The following EFEMP1 variants were observed in gnomAD, a reference collection of about 807,000 sequenced individuals.
The protein encoded by EFEMP1 is EGF-containing fibulin-like extracellular matrix protein 1.
EFEMP1 carries 18 observed loss-of-function variants against 65.7 expected under a neutral mutation model. That is an observed-to-expected ratio of 0.27 (90% confidence interval 0.19 to 0.41). EFEMP1 has a LOEUF of 0.41. Ranked by LOEUF, EFEMP1 falls within the 10% of genes least tolerant of loss-of-function variation. The pLI is 1.00. For missense variants in EFEMP1, 469 were observed against 624.8 expected, an observed-to-expected ratio of 0.75 and a Z score of 2.66; for synonymous variants, 237 against 219.7, an observed-to-expected ratio of 1.08 and a Z score of -0.70.
Position 55,910,525 on chromosome 2 carries a change from C to A in EFEMP1, c.517+7140G>T, listed in dbSNP as rs10176022. Among the ~76,000 whole-genome samples, 1,281 of 152,262 alleles carry A rather than the reference C, an allele frequency of 8.4e-3. 24 individuals are homozygous for A. The highest frequency in any genetic ancestry group is 0.03 in the African/African-American group (1,251 of 41,548). Reference sequence around the variant, plus strand: ...GCAAAGGCAATCCTTACAAAAGGGGCAACTTGTTGATTTCAGGGAATATAG... The same window carrying A: ...GCAAAGGCAATCCTTACAAAAGGGGAAACTTGTTGATTTCAGGGAATATAG... On this transcript the variant is annotated intron_variant, in intron 5 of 11. Coordinates refer to ENST00000355426, the MANE Select transcript of EFEMP1 (RefSeq NM_001039348.3).
rs1553348960 is a variant in EFEMP1 at position 55,870,851 on chromosome 2, A to G, written c.1189T>C (p.Tyr397His). Residue 397 changes from tyrosine (Y) to histidine (H), a missense_variant, in exon 11 of 12, where the codon TAC becomes CAC. Tyr to His is a moderately conservative substitution (Grantham distance 83). This residue lies in a region of EFEMP1 where 399 missense variants were observed against 528.2 expected (regional missense o/e 0.76). Coordinates refer to ENST00000355426, the MANE Select transcript of EFEMP1 (RefSeq NM_001039348.3). This position sits in a 1 kb window ranked among gnomAD's most constrained non-coding sequence, Gnocchi z 5.8. Reference sequence around the variant, plus strand: ...GACCTATCAGATCGGATGCTCATGTATTTGTAGACTATTGACTGGGGCAGT... The same window carrying G: ...GACCTATCAGATCGGATGCTCATGTGTTTGTAGACTATTGACTGGGGCAGT... Reference protein sequence around the residue: ...RELPQSIVYKYMSIRSDRSVP... With the variant: ...RELPQSIVYKHMSIRSDRSVP... The G allele has an allele frequency of 6.2e-7, 1 of 1,613,652 alleles. No homozygotes were observed.
At chr2:55,874,863 C>T in intron 9 of EFEMP1, 83 bp downstream of exon 9, 1 of 1,434,684 alleles carries the variant, frequency 7.0e-7, no homozygotes, top group Admixed American at 1.8e-5. Context: ...AAATGAAAGT[C>T]TATAGGAGAA....
intron 5 of EFEMP1, among the ~76,000 whole-genome samples, chr2:55,909,875 A>G (rs147652490): frequency 2.1e-3 from 316 of 152,290 alleles, no homozygotes; most frequent in African/African-American, 6.1e-3. Flanking sequence ...CCTAAAGACT[A>G]TGAGCATTCC....
chr2:55,916,747 A>AT (rs1393516869), intron 5 of EFEMP1, among the ~76,000 whole-genome samples: 1 of 152,156 alleles, frequency 6.6e-6, no homozygotes, highest in Non-Finnish European at 1.5e-5. Flanking sequence ...CTATGGCCCC[A>AT]TTTCAGTAAC....
chr2:55,915,164 A>C (rs1558488012), intron 5 of EFEMP1, among the ~76,000 whole-genome samples: 1 of 152,212 alleles, frequency 6.6e-6, no homozygotes, highest in Non-Finnish European at 1.5e-5. Context: ...ATCCAACTTA[A>C]GCCCTAAGCC....
chr2:55,906,853 A>T (rs1255221466), intron 5 of EFEMP1, among the ~76,000 whole-genome samples: 1 of 152,218 alleles, frequency 6.6e-6, no homozygotes. Context: ...CCAAAAATTA[A>T]GTTGTTCAAT....
intron 5 of EFEMP1, among the ~76,000 whole-genome samples, chr2:55,907,793 A>T (rs1484892423): frequency 1.3e-5 from 2 of 152,192 alleles, no homozygotes; most frequent in Non-Finnish European, 2.9e-5. Flanking sequence ...AGGGAGTAGG[A>T]TTGGATTCCT....
rs1346784 is a variant in EFEMP1, at chr2:55,879,099, T to C, written c.641-1234A>G. Among the ~76,000 whole-genome samples, 40 of 152,312 alleles carry C rather than the reference T, an allele frequency of 2.6e-4. 1 individual carries two copies. Among genetic ancestry groups the C allele is most frequent in the African/African-American group, 9.6e-4 (40 of 41,572 alleles). ...TCCCTTACCTTGCTTTAGACTTCTT[T>C]GTAGTCCTTAACAGTACTCGACATT... On this transcript the variant is annotated intron_variant, in intron 6 of 11. Coordinates refer to ENST00000355426, the MANE Select transcript of EFEMP1 (RefSeq NM_001039348.3).
In EFEMP1 at chr2:55,871,210, A is replaced by G; in HGVS notation, c.1001-87T>C. The G allele has an allele frequency of 1.9e-6, 3 of 1,588,164 alleles. No homozygotes were observed. Among genetic ancestry groups the G allele is most frequent in the South Asian group, 1.1e-5 (1 of 90,290 alleles). Reference sequence around the variant, plus strand: ...ATATAACTGGCAGATTCTGTTTGCAAGGAAGGAGGTGTGAGAGCATCTGGA... The same window carrying G: ...ATATAACTGGCAGATTCTGTTTGCAGGGAAGGAGGTGTGAGAGCATCTGGA... On this transcript the variant is annotated intron_variant, in intron 9 of 11. Coordinates refer to ENST00000355426, the MANE Select transcript of EFEMP1 (RefSeq NM_001039348.3). The surrounding 1 kb of genome is among the most constrained non-coding windows in gnomAD (Gnocchi z 4.2).
At chr2:55,888,854 T>C (rs889839268) in intron 5 of EFEMP1, among the ~76,000 whole-genome samples, 5 of 152,186 alleles carry the variant, frequency 3.3e-5, no homozygotes, top group African/African-American at 9.7e-5. Context: ...TGGATGGCCT[T>C]GGGAGGAATT....
intron 11 of EFEMP1, among the ~76,000 whole-genome samples, chr2:55,868,288 G>A (rs1668664819): frequency 6.6e-6 from 1 of 152,106 alleles, no homozygotes; most frequent in Non-Finnish European, 1.5e-5. Context: ...CTATGTGCCA[G>A]GTACCATTCT....
intron 8 of EFEMP1, 77 bp from the exon 9 acceptor site, chr2:55,875,142 A>G: frequency 3.8e-6 from 2 of 524,768 alleles, no homozygotes; most frequent in Non-Finnish European, 5.4e-6. Context: ...ATATATATAT[A>G]AATTATATAT....
At chr2:55,882,252 A>G (rs922590094) in intron 5 of EFEMP1, among the ~76,000 whole-genome samples, 1 of 152,198 alleles carries the variant, frequency 6.6e-6, no homozygotes, top group East Asian at 1.9e-4. Flanking sequence ...ACTGGGTGTA[A>G]TCAACCTTTA....
At chr2:55,884,270 C>A (rs1215651523) in intron 5 of EFEMP1, among the ~76,000 whole-genome samples, 2 of 152,126 alleles carry the variant, frequency 1.3e-5, no homozygotes, top group Admixed American at 6.5e-5. Context: ...GAAAATTATA[C>A]TTTGAGATCC....
intron 5 of EFEMP1, among the ~76,000 whole-genome samples, chr2:55,900,855 C>A (rs1670006007): frequency 6.6e-6 from 1 of 152,154 alleles, no homozygotes; most frequent in Non-Finnish European, 1.5e-5. Context: ...TGCTATCCTA[C>A]TTCATTAGTG....
At chr2:55,876,496 T>C in intron 8 of EFEMP1, 127 bp downstream of exon 8, 1 of 1,380,116 alleles carries the variant, frequency 7.2e-7, no homozygotes, top group South Asian at 1.3e-5. Context: ...TGAACTACAT[T>C]AACTGGATTT....
At chr2:55,892,230 A>G (rs1382572624) in intron 5 of EFEMP1, among the ~76,000 whole-genome samples, 1 of 152,168 alleles carries the variant, frequency 6.6e-6, no homozygotes, top group Non-Finnish European at 1.5e-5. Flanking sequence ...TGGGGACAGA[A>G]ATAAGTTTCT....
intron 5 of EFEMP1, among the ~76,000 whole-genome samples, chr2:55,890,740 A>G (rs1340733831): frequency 1.3e-5 from 2 of 152,226 alleles, no homozygotes; most frequent in South Asian, 2.1e-4. Flanking sequence ...GAAATCTCAA[A>G]CTGAATGAAA....
chr2:55,921,288 G>T lies in EFEMP1; in HGVS notation c.81+1072C>A, dbSNP rs1169215391. On this transcript the variant is annotated intron_variant, in intron 3 of 11. Coordinates refer to ENST00000355426, the MANE Select transcript of EFEMP1 (RefSeq NM_001039348.3). This position sits in a 1 kb window ranked among gnomAD's most constrained non-coding sequence, Gnocchi z 4.1. ...GAAGTTAACAAAATATTTGTATTAA[G>T]CTATTTTATTTATAGTGGATCTGAA... 6.6e-6 allele frequency among the ~76,000 whole-genome samples: 1 copy of T among 152,162 alleles called. No homozygotes were observed. Among genetic ancestry groups the T allele is most frequent in the East Asian group, 1.9e-4 (1 of 5,200 alleles).
Sources: allele counts gnomAD v4.1 joint callset (sites outside exome capture counted in the v4.1 genomes callset), GRCh38; gene constraint gnomAD v4.1.1; regional missense constraint gnomAD v4.1.1; non-coding constraint Gnocchi (gnomAD v3.1); transcripts MANE v1.5; gene names NCBI Gene and HGNC (gene_info 2026-07-23, HGNC 2026-07-21).